MCTP1: variants seen among roughly 807,000 people sequenced by gnomAD.
The protein encoded by MCTP1 is multiple C2 and transmembrane domain containing 1.
MCTP1 carries 69 observed loss-of-function variants against 120.6 expected under a neutral mutation model. The ratio of observed to expected loss-of-function variants is 0.57; its 90% CI spans 0.47 to 0.70. MCTP1 has a LOEUF of 0.70. MCTP1 is among the 30% of genes least tolerant of loss of function. The pLI, the probability that MCTP1 is intolerant of heterozygous loss-of-function variation, is 0.00. For missense variants in MCTP1, 1,203 were observed against 1,248.8 expected (o/e 0.96, Z 0.55); for synonymous variants, 529 against 493.1 (o/e 1.07, Z -0.96).
In MCTP1 at chr5:94,966,362, T is replaced by C. The variant is rs548321904; in HGVS notation, c.839-13001A>G. Among the ~76,000 whole-genome samples the C allele has an allele frequency of 4.9e-3, 749 of 152,326 alleles. 4 individuals carry two copies. Among genetic ancestry groups the C allele is most frequent in the African/African-American group, 0.017 (719 of 41,582 alleles). On this transcript the variant is annotated intron_variant, in intron 2 of 22. Transcript: ENST00000515393. Reference sequence around the variant, plus strand: ...GCAATACTACGTATAATACCACTATTGACAAGTATTTATTCTGGTCTATAA... The same window carrying C: ...GCAATACTACGTATAATACCACTATCGACAAGTATTTATTCTGGTCTATAA...
At chr5:94,896,317 A>G (rs1189746562) in intron 10 of MCTP1, among the ~76,000 whole-genome samples, 1 of 152,200 alleles carries the variant, frequency 6.6e-6, no homozygotes, top group Admixed American at 6.5e-5. Flanking sequence ...TGGCTTGGAT[A>G]GGGAGTATAA....
intron 17 of MCTP1, among the ~76,000 whole-genome samples, chr5:94,839,069 C>T (rs1790429940): frequency 1.3e-5 from 2 of 152,144 alleles, no homozygotes; most frequent in African/African-American, 4.8e-5. Context: ...GCTCATTAAT[C>T]AACCAACCAA....
intron 22 of MCTP1, 23 bp downstream of exon 22, chr5:94,708,486 CAAT>C (rs776501719): frequency 1.6e-5 from 22 of 1,348,378 alleles, no homozygotes; most frequent in Non-Finnish European, 2.3e-5. Context: ...AAAATAATAG[CAAT>C]AATAATAACG....
chr5:95,005,758 TTTTC>T (rs1259284158), intron 2 of MCTP1, among the ~76,000 whole-genome samples: 7 of 57,978 alleles, frequency 1.2e-4, no homozygotes, highest in Non-Finnish European at 2.0e-4. Flanking sequence ...ATGGAACCTC[TTTTC>T]TTTCTTTATT....
At chr5:95,267,867 C>G (rs1388105386) in intron 1 of MCTP1, among the ~76,000 whole-genome samples, 3 of 152,240 alleles carry the variant, frequency 2.0e-5, no homozygotes, top group Non-Finnish European at 2.9e-5. Context: ...CTCTTAATCA[C>G]CAAATCCCCA....
chr5:95,181,412 C>G (rs1404922989), intron 1 of MCTP1, among the ~76,000 whole-genome samples: 2 of 152,198 alleles, frequency 1.3e-5, no homozygotes, highest in African/African-American at 4.8e-5. Flanking sequence ...TATTCCCCAC[C>G]TCCTTCAATC....
At chr5:94,861,833 T>A (rs1795857394) in intron 17 of MCTP1, among the ~76,000 whole-genome samples, 1 of 151,724 alleles carries the variant, frequency 6.6e-6, no homozygotes, top group African/African-American at 2.4e-5. Context: ...ATGTAACAAT[T>A]TTTAAAGGGT....
intron 18 of MCTP1, among the ~76,000 whole-genome samples, chr5:94,786,929 T>C (rs1158613020): frequency 6.6e-6 from 1 of 152,218 alleles, no homozygotes; most frequent in Non-Finnish European, 1.5e-5. Context: ...AAATTAGGCT[T>C]GATTAATAAA....
intron 1 of MCTP1, among the ~76,000 whole-genome samples, chr5:95,117,804 A>G (rs1325653202): frequency 1.3e-5 from 2 of 152,218 alleles, no homozygotes; most frequent in African/African-American, 4.8e-5. Flanking sequence ...AAAATATGGT[A>G]CCTATACACT....
rs983390541 is a variant in MCTP1 at position 94,826,458 on chromosome 5, G to A, written c.2437-27326C>T. 6 of 685,156 alleles carry A rather than the reference G, an allele frequency of 8.8e-6. No homozygotes were observed. In the African/African-American group the frequency reaches 8.8e-5, roughly 10 times the overall value. 42.4% of individuals were successfully genotyped at this position (685,156 alleles called of 1,614,324 possible). ...ATTTGGGTTCTTCAGGAACACAGAA[G>A]TGGCCAGCTTTTCTTGTCATCCTCG... On this transcript the variant is annotated intron_variant, in intron 17 of 22. Transcript: ENST00000515393.
At chr5:94,749,787 A>C (rs1294867161) in intron 19 of MCTP1, among the ~76,000 whole-genome samples, 1 of 152,156 alleles carries the variant, frequency 6.6e-6, no homozygotes, top group Admixed American at 6.5e-5. Flanking sequence ...CTGCTAGAGA[A>C]CATCTCTAAA....
intron 19 of MCTP1, among the ~76,000 whole-genome samples, chr5:94,755,799 ATAACT>A (rs1769677330): frequency 6.6e-6 from 1 of 152,080 alleles, no homozygotes; most frequent in African/African-American, 2.4e-5. Flanking sequence ...TGCCTCTGTA[ATAACT>A]TTGTATCTCT....
intron 1 of MCTP1, among the ~76,000 whole-genome samples, chr5:95,121,146 C>T (rs1422188216): frequency 1.3e-5 from 2 of 151,736 alleles, no homozygotes; most frequent in Non-Finnish European, 2.9e-5. Flanking sequence ...GGTGCGGTGG[C>T]GGGTGCCTGT....
chr5:95,244,326 G>A (rs771306165), intron 1 of MCTP1, among the ~76,000 whole-genome samples: 2 of 152,206 alleles, frequency 1.3e-5, no homozygotes, highest in Non-Finnish European at 2.9e-5. Context: ...ATTGGGACTG[G>A]TTGGACAGTG....
chr5:95,116,843 T>C (rs1215427150), intron 1 of MCTP1, among the ~76,000 whole-genome samples: 1 of 152,156 alleles, frequency 6.6e-6, no homozygotes, highest in Non-Finnish European at 1.5e-5. Flanking sequence ...TGCTTGCCTG[T>C]TGCGGGTGTA....
intron 1 of MCTP1, among the ~76,000 whole-genome samples, chr5:95,193,743 C>A (rs1053143033): frequency 7.2e-5 from 11 of 152,140 alleles, no homozygotes; most frequent in African/African-American, 2.4e-4. Flanking sequence ...AGTCCAGATG[C>A]ATAAGAGTAA....
chr5:94,839,015 T>C (rs910730889), intron 17 of MCTP1, among the ~76,000 whole-genome samples: 5 of 152,318 alleles, frequency 3.3e-5, no homozygotes, highest in Middle Eastern at 6.8e-3. Context: ...TTAATGTCTC[T>C]GAAATTGTCT....
chr5:95,028,398 C>T (rs1366914535), intron 1 of MCTP1, among the ~76,000 whole-genome samples: 2 of 152,042 alleles, frequency 1.3e-5, no homozygotes, highest in Non-Finnish European at 2.9e-5. Context: ...GTTTTGGTTT[C>T]CTGGTGGTCC....
At chr5:95,026,685 T>C (rs761208252) in intron 1 of MCTP1, among the ~76,000 whole-genome samples, 11 of 152,154 alleles carry the variant, frequency 7.2e-5, no homozygotes, top group Non-Finnish European at 1.0e-4. Flanking sequence ...GGGAGGGGTA[T>C]GCCTGGCTTC....
Sources: allele counts gnomAD v4.1 joint callset (sites outside exome capture counted in the v4.1 genomes callset), GRCh38; gene constraint gnomAD v4.1.1; transcripts MANE v1.5; gene names NCBI Gene and HGNC (gene_info 2026-07-23, HGNC 2026-07-21).